The following FAM222A variants were observed in gnomAD, a reference collection of about 807,000 sequenced individuals.
FAM222A encodes the protein protein FAM222A.
Under a neutral mutation model 25.8 loss-of-function variants are expected in FAM222A, and 7 were observed. The ratio of observed to expected loss-of-function variants is 0.27; its 90% confidence interval spans 0.15 to 0.51. The LOEUF (loss-of-function observed/expected upper bound fraction) is 0.51, where lower values mean the gene tolerates loss of function less well. Among genes scored for constraint, FAM222A ranks in the 20% least tolerant of loss-of-function variants. The pLI, the probability that FAM222A is intolerant of heterozygous loss-of-function variation, is 0.97. For missense variants in FAM222A, 573 were observed against 640.5 expected (o/e 0.89, Z 1.14); for synonymous variants, 294 against 298.8 (o/e 0.98, Z 0.17).
chr12:109,768,483 C>A lies in FAM222A; in HGVS notation c.554C>A (p.Pro185Gln), dbSNP rs549265860. The A allele has an allele frequency of 1.2e-6, 2 of 1,603,904 alleles. No individual in the cohort carries two copies. Among genetic ancestry groups the A allele is most frequent in the Non-Finnish European group, 1.7e-6 (2 of 1,178,878 alleles). Residue 185 changes from proline to glutamine, a missense_variant, in exon 3 of 3, where the codon CCG (proline) becomes CAG (glutamine). Physicochemically the swap from Pro to Gln is moderately conservative, Grantham distance 76. Transcript: ENST00000538780. ...ACTGCCGCCTCCGTCATCCCCCTGC[C>A]GGGCCGGGGCCTGCCCCTGCCACCT... Reference protein sequence around the residue: ...AATAASVIPLPGRGLPLPPSN... With the variant: ...AATAASVIPLQGRGLPLPPSN...
chr12:109,767,796 A>G (rs1021072093), intron 2 of FAM222A, among the ~76,000 whole-genome samples: 2 of 152,216 alleles, frequency 1.3e-5, no homozygotes, highest in Non-Finnish European at 2.9e-5. Context: ...TGGCCTGGGT[A>G]CCATAAAACA....
intron 2 of FAM222A, among the ~76,000 whole-genome samples, chr12:109,747,170 T>C (rs1888423970): frequency 6.6e-6 from 1 of 152,244 alleles, no homozygotes; most frequent in Admixed American, 6.5e-5. Flanking sequence ...CTTGGCTCAC[T>C]GAAGCCTCCG....
intron 2 of FAM222A, among the ~76,000 whole-genome samples, chr12:109,765,618 T>C (rs1233070747): frequency 6.6e-6 from 1 of 152,244 alleles, no homozygotes; most frequent in Non-Finnish European, 1.5e-5. Flanking sequence ...AAGCTGTCTC[T>C]GGACCCCCAT....
chr12:109,725,915 G>A (rs1191065196), intron 1 of FAM222A, among the ~76,000 whole-genome samples: 1 of 151,800 alleles, frequency 6.6e-6, no homozygotes, highest in Non-Finnish European at 1.5e-5. Context: ...CGGATGGTGC[G>A]CGCCGGCTTA....
chr12:109,764,712 A>G (rs1034041871), intron 2 of FAM222A, among the ~76,000 whole-genome samples: 1 of 152,214 alleles, frequency 6.6e-6, no homozygotes, highest in Non-Finnish European at 1.5e-5. Flanking sequence ...CATCTGTAAA[A>G]TTGCATAAAA....
intron 1 of FAM222A, among the ~76,000 whole-genome samples, chr12:109,716,960 A>C (rs904233461): frequency 6.6e-6 from 1 of 152,236 alleles, no homozygotes; most frequent in African/African-American, 2.4e-5. Context: ...AAACAGAGGA[A>C]GTGATGGGCT....
intron 2 of FAM222A, among the ~76,000 whole-genome samples, chr12:109,748,083 C>A (rs761231680): frequency 6.6e-5 from 10 of 152,096 alleles, no homozygotes; most frequent in Non-Finnish European, 1.3e-4. Context: ...TTTTAAAAAT[C>A]AAGAATGGAA....
intron 1 of FAM222A, among the ~76,000 whole-genome samples, chr12:109,719,025 C>T (rs934680815): frequency 2.6e-5 from 4 of 152,200 alleles, no homozygotes; most frequent in Admixed American, 2.0e-4. Flanking sequence ...AGTGCCACTT[C>T]AGAGATGGGG....
At chr12:109,739,806 A>C (rs1388818411) in intron 1 of FAM222A, among the ~76,000 whole-genome samples, 1 of 152,162 alleles carries the variant, frequency 6.6e-6, no homozygotes, top group East Asian at 1.9e-4. Context: ...TGCTATCTAA[A>C]AGCTATGTGA....
intron 1 of FAM222A, among the ~76,000 whole-genome samples, chr12:109,733,684 G>A (rs904814697): frequency 6.6e-6 from 1 of 152,150 alleles, no homozygotes; most frequent in African/African-American, 2.4e-5. Context: ...GATTACAGGT[G>A]TGAGCCACCA....
rs1472717055 is a variant in FAM222A at position 109,769,333 on chromosome 12, C to T, written c.*45C>T. 8 of 1,525,942 alleles carry T rather than the reference C, an allele frequency of 5.2e-6. No homozygotes were observed. Among genetic ancestry groups the T allele is most frequent in the South Asian group, 5.1e-5 (4 of 78,800 alleles). 94.5% of individuals were successfully genotyped at this position (1,525,942 alleles called of 1,614,324 possible). A position where few individuals can be genotyped will look rare whatever the true frequency, so the allele number is the denominator to read the frequency against. On this transcript the variant is annotated 3_prime_UTR_variant, in exon 3 of 3. Coordinates refer to ENST00000538780, the MANE Select transcript of FAM222A (RefSeq NM_032829.3). ...CGGACATGCGGACAGGGCGCAGAGC[C>T]GGGAGGCAGGCCGCAGAACAGGGTG... is the stretch of plus-strand genomic sequence containing the variant.
intron 1 of FAM222A, among the ~76,000 whole-genome samples, chr12:109,743,772 C>T (rs950462222): frequency 1.3e-5 from 2 of 152,154 alleles, no homozygotes; most frequent in Admixed American, 6.5e-5. Context: ...CTGCGGGGCA[C>T]GGAGGGAGTG....
At chr12:109,720,217 G>C in intron 1 of FAM222A, 1 of 982,930 alleles carries the variant, frequency 1.0e-6, no homozygotes, top group Non-Finnish European at 1.2e-6. Context: ...ATTGTGCAGA[G>C]GGCACAGGGG....
intron 1 of FAM222A, among the ~76,000 whole-genome samples, chr12:109,737,663 G>C (rs1020246887): frequency 2.6e-5 from 4 of 151,942 alleles, no homozygotes; most frequent in Non-Finnish European, 4.4e-5. Flanking sequence ...ACTTTTCACA[G>C]GCCCCTTATC....
Position 109,714,220 on chromosome 12 carries a change from GCCGCCGCCGCT to G in FAM222A, c.-723_-713del. 5.4e-6 allele frequency: 1 copy of G among 186,842 alleles called. No individual in the cohort carries two copies. Among genetic ancestry groups the G allele is most frequent in the South Asian group, 5.9e-5 (1 of 16,890 alleles). 11.6% of individuals were successfully genotyped at this position (186,842 alleles called of 1,614,324 possible). ...GCCCGCTGCCGCCGCCGCCGCCGCT[GCCGCCGCCGCT>G]GTTCGCCGGCTTCCCCTCCCCCCAC... On this transcript the variant is annotated 5_prime_UTR_variant, in exon 1 of 3. Coordinates refer to ENST00000538780, the MANE Select transcript of FAM222A (RefSeq NM_032829.3). This position sits in a 1 kb window ranked among gnomAD's most constrained non-coding sequence, Gnocchi z 4.2.
chr12:109,755,763 C>T (rs1447282722), intron 2 of FAM222A, among the ~76,000 whole-genome samples: 4 of 152,170 alleles, frequency 2.6e-5, no homozygotes, highest in African/African-American at 9.7e-5. Context: ...GTTTTGGTTC[C>T]CTTGTGAAAA....
At chr12:109,755,025 A>G (rs1295118287) in intron 2 of FAM222A, among the ~76,000 whole-genome samples, 2 of 152,118 alleles carry the variant, frequency 1.3e-5, no homozygotes, top group Non-Finnish European at 2.9e-5. Context: ...AAACTTCTTC[A>G]TATATTCTAG....
Position 109,768,550 on chromosome 12 carries a change from C to A in FAM222A, c.621C>A (p.Asn207Lys). 1 of 1,603,060 alleles carries A rather than the reference C, an allele frequency of 6.2e-7. No homozygotes were observed. Among genetic ancestry groups the A allele is most frequent in the Non-Finnish European group, 8.5e-7 (1 of 1,175,798 alleles). Reference sequence around the variant, plus strand: ...TCCACAGCCTCCTGTACCAGCTCAACCAGCAGTGCCAGGCCCCGGGCGCCG... The same window carrying A: ...TCCACAGCCTCCTGTACCAGCTCAAACAGCAGTGCCAGGCCCCGGGCGCCG... ...PSIHSLLYQL[N>K]QQCQAPGAAP... is the part of the protein sequence containing the mutation. The change falls in exon 3 of 3, where the codon AAC becomes AAA. Residue 207 changes from asparagine (N) to lysine (K), a missense_variant. Asn to Lys is a moderately conservative substitution (Grantham distance 94, BLOSUM62 0). Coordinates refer to ENST00000538780, the MANE Select transcript of FAM222A (RefSeq NM_032829.3).
intron 1 of FAM222A, among the ~76,000 whole-genome samples, chr12:109,721,600 C>T (rs1473578432): frequency 1.3e-5 from 2 of 152,156 alleles, no homozygotes; most frequent in Non-Finnish European, 2.9e-5. Context: ...CCTCAATGAG[C>T]TCAGGGTGCC....
Sources: allele counts gnomAD v4.1 joint callset (sites outside exome capture counted in the v4.1 genomes callset), GRCh38; gene constraint gnomAD v4.1.1; non-coding constraint Gnocchi (gnomAD v3.1); transcripts MANE v1.5; gene names NCBI Gene and HGNC (gene_info 2026-07-23, HGNC 2026-07-21).